Variants in TENM2 observed in about 807,000 individuals in gnomAD.
The protein encoded by TENM2 is teneurin-2.
A neutral mutation model predicts 245.2 loss-of-function variants in TENM2; 52 were observed. That is an observed-to-expected ratio of 0.21 (90% CI 0.17 to 0.27). TENM2 has a LOEUF of 0.27. Ranked by LOEUF, TENM2 falls within the 10% of genes least tolerant of loss-of-function variation. The pLI is 1.00. For missense variants in TENM2, 3,046 were observed against 3,666.8 expected, an observed-to-expected ratio of 0.83 and a Z score of 4.37; for synonymous variants, 1,363 against 1,438.9, an observed-to-expected ratio of 0.95 and a Z score of 1.19.
intron 2 of TENM2, among the ~76,000 whole-genome samples, chr5:167,654,248 A>G (rs1315648438): frequency 6.6e-6 from 1 of 151,980 alleles, no homozygotes; most frequent in Non-Finnish European, 1.5e-5. Context: ...CTTGCCTCCT[A>G]CCAGATTTGA....
intron 2 of TENM2, among the ~76,000 whole-genome samples, chr5:167,758,612 T>G (rs1762459119): frequency 6.6e-6 from 1 of 152,126 alleles, no homozygotes; most frequent in Non-Finnish European, 1.5e-5. Flanking sequence ...CACTTCCACT[T>G]TTTTTTAGCT....
intron 2 of TENM2, among the ~76,000 whole-genome samples, chr5:167,382,147 G>A (rs904429580): frequency 9.9e-5 from 15 of 152,126 alleles, no homozygotes; most frequent in Admixed American, 8.5e-4. Flanking sequence ...AATAGATGGA[G>A]GGAAAACCTA....
intron 2 of TENM2, among the ~76,000 whole-genome samples, chr5:167,660,634 T>A (rs920869649): frequency 3.3e-5 from 5 of 152,170 alleles, no homozygotes; most frequent in African/African-American, 1.2e-4. Context: ...AAAAAATGTC[T>A]TTAGCTTTAT....
the TENM2 span, among the ~76,000 whole-genome samples, chr5:167,170,998 C>G: frequency 6.6e-6 from 1 of 152,196 alleles, no homozygotes; most frequent in Non-Finnish European, 1.5e-5. Flanking sequence ...GGGGGCTGGC[C>G]CATCCTCTTC....
chr5:167,554,662 C>T (rs941151611), intron 2 of TENM2, among the ~76,000 whole-genome samples: 1 of 152,164 alleles, frequency 6.6e-6, no homozygotes, highest in Non-Finnish European at 1.5e-5. Flanking sequence ...TACTGAGGCA[C>T]AGAAAGGTGA....
At chr5:168,156,754 T>G (rs1210063146) in intron 12 of TENM2, among the ~76,000 whole-genome samples, 1 of 152,128 alleles carries the variant, frequency 6.6e-6, no homozygotes, top group East Asian at 1.9e-4. Context: ...GTGTAGAACC[T>G]TGGAAACTCT....
chr5:167,145,917 T>C, the TENM2 span, among the ~76,000 whole-genome samples: 26 of 152,296 alleles, frequency 1.7e-4, no homozygotes, highest in East Asian at 3.5e-3. Context: ...GATGATGATG[T>C]CATTATTCAC....
At chr5:167,193,378 G>A in the TENM2 span, among the ~76,000 whole-genome samples, 2 of 151,952 alleles carry the variant, frequency 1.3e-5, no homozygotes, top group African/African-American at 4.8e-5. Flanking sequence ...GGGAAACTTA[G>A]GCAGGGGATA....
the TENM2 span, among the ~76,000 whole-genome samples, chr5:167,099,772 T>C: frequency 6.6e-6 from 1 of 152,220 alleles, no homozygotes; most frequent in Admixed American, 6.5e-5. Context: ...TTCTGATCTC[T>C]GTAGCTCTCT....
At chr5:167,140,471 A>C in the TENM2 span, among the ~76,000 whole-genome samples, 38 of 152,128 alleles carry the variant, frequency 2.5e-4, no homozygotes, top group Non-Finnish European at 4.7e-4. Context: ...TTTACTTCTC[A>C]GCTAATACCT....
At chr5:167,605,939 G>T (rs913731701) in intron 2 of TENM2, among the ~76,000 whole-genome samples, 1 of 152,158 alleles carries the variant, frequency 6.6e-6, no homozygotes, top group Non-Finnish European at 1.5e-5. Flanking sequence ...AATTTGTAGT[G>T]TTAAAAGCTT....
chr5:167,712,500 C>T (rs1758975545), intron 2 of TENM2, among the ~76,000 whole-genome samples: 2 of 152,154 alleles, frequency 1.3e-5, no homozygotes, highest in South Asian at 4.1e-4. Context: ...GGTCATTTTA[C>T]AAAATTCCTA....
At chr5:167,505,838 A>C (rs9791043) in intron 2 of TENM2, among the ~76,000 whole-genome samples, 1 of 152,040 alleles carries the variant, frequency 6.6e-6, no homozygotes, top group Non-Finnish European at 1.5e-5. Flanking sequence ...TATTAAAGGG[A>C]TCATAATTGT....
At chr5:167,310,249 A>T (rs1755943652) in intron 1 of TENM2, among the ~76,000 whole-genome samples, 1 of 152,208 alleles carries the variant, frequency 6.6e-6, no homozygotes, top group Non-Finnish European at 1.5e-5. Flanking sequence ...CAAACAAGTT[A>T]CATGAATATA....
chr5:167,474,309 C>T (rs532135644), intron 2 of TENM2, among the ~76,000 whole-genome samples: 3 of 152,124 alleles, frequency 2.0e-5, no homozygotes, highest in East Asian at 1.9e-4. Context: ...TCAATATCAA[C>T]GTTTTTACCT....
the TENM2 span, among the ~76,000 whole-genome samples, chr5:167,156,757 G>A: frequency 6.6e-6 from 1 of 152,164 alleles, no homozygotes; most frequent in Non-Finnish European, 1.5e-5. Context: ...TACACACTTG[G>A]CCCTCTCAAG....
At chr5:167,342,576 G>A (rs1215154476) in intron 1 of TENM2, among the ~76,000 whole-genome samples, 1 of 133,020 alleles carries the variant, frequency 7.5e-6, no homozygotes, top group African/African-American at 2.8e-5. Context: ...GCCGGACTGC[G>A]GACTGCAGTG....
intron 2 of TENM2, among the ~76,000 whole-genome samples, chr5:167,601,069 G>C (rs1269417672): frequency 2.0e-5 from 3 of 152,212 alleles, no homozygotes; most frequent in Non-Finnish European, 4.4e-5. Context: ...GAAAAGCCCT[G>C]CCCGTGTGAA....
chr5:167,322,287 G>A (rs917992426), intron 1 of TENM2, among the ~76,000 whole-genome samples: 2 of 151,178 alleles, frequency 1.3e-5, no homozygotes, highest in Admixed American at 1.3e-4. Flanking sequence ...CATCTATCAA[G>A]GGCCCACAGT....
Sources: gnomAD v4.1 joint callset for allele counts (sites outside exome capture counted in the v4.1 genomes callset) on GRCh38, gnomAD v4.1.1 for gene constraint, MANE v1.5 for transcripts, NCBI Gene and HGNC (gene_info 2026-07-23, HGNC 2026-07-21) for gene names.